The following RPTOR variants were observed in gnomAD, a reference collection of about 807,000 sequenced individuals.
RPTOR encodes regulatory associated protein of MTOR complex 1.
Under a neutral mutation model 169.9 loss-of-function variants are expected in RPTOR, and 21 were observed. The ratio of observed to expected loss-of-function variants is 0.12; its 90% confidence interval spans 0.09 to 0.18. RPTOR has a LOEUF of 0.18. Ranked by LOEUF, RPTOR falls within the 10% of genes least tolerant of loss-of-function variation. RPTOR has a pLI of 1.00. For missense variants in RPTOR, 1,133 were observed against 1,855.9 expected (o/e 0.61, Z 7.16); for synonymous variants, 732 against 753.2 (o/e 0.97, Z 0.46).
At position 80,562,740 on chromosome 17, in the gene RPTOR, C is replaced by T. The variant is rs940561813; in HGVS notation, c.162+16949C>T. ...CAGAGGTTGCAGTGAGCTGAGACTG[C>T]GCCACTGCACCCCATCCTGGCAACA... On this transcript the variant is annotated intron_variant, in intron 1 of 33. Coordinates refer to ENST00000306801, the MANE Select transcript of RPTOR (RefSeq NM_020761.3). The surrounding 1 kb of genome is among the most constrained non-coding windows in gnomAD (Gnocchi z 4.4). Among the ~76,000 whole-genome samples the T allele has an allele frequency of 1.7e-4, 10 of 58,430 alleles. No homozygotes were observed. Among genetic ancestry groups the T allele is most frequent in the Admixed American group, 8.5e-4 (4 of 4,700 alleles). The allele number at this position is 58,430 out of a possible 152,430, so 38.3% of individuals were successfully genotyped here. A position where few individuals can be genotyped will look rare whatever the true frequency, so the allele number is the denominator to read the frequency against.
intron 32 of RPTOR, 62 bp from the exon 33 acceptor site, chr17:80,962,866 G>A: frequency 1.9e-6 from 3 of 1,606,440 alleles, no homozygotes; most frequent in Non-Finnish European, 2.6e-6. Flanking sequence ...CTCGGCATCT[G>A]CGCCCATCTT....
At chr17:80,581,612 C>T (rs1310686966) in intron 1 of RPTOR, among the ~76,000 whole-genome samples, 2 of 151,370 alleles carry the variant, frequency 1.3e-5, no homozygotes, top group African/African-American at 2.4e-5. Flanking sequence ...CTGCTATTCT[C>T]TGCAGTGGAG....
intron 10 of RPTOR, among the ~76,000 whole-genome samples, chr17:80,843,377 T>C (rs1411240122): frequency 6.6e-6 from 1 of 152,100 alleles, no homozygotes; most frequent in East Asian, 1.9e-4. Flanking sequence ...GCCAAGATCA[T>C]GCCACTGCAC....
intron 14 of RPTOR, 28 bp downstream of exon 14, chr17:80,880,517 G>A (rs750217250): frequency 1.8e-5 from 29 of 1,607,806 alleles, no homozygotes; most frequent in Non-Finnish European, 2.2e-5. Context: ...CGCTCTCCAC[G>A]GGCTTGGGAC....
At chr17:80,672,819 A>G (rs571893558) in intron 3 of RPTOR, among the ~76,000 whole-genome samples, 1 of 152,004 alleles carries the variant, frequency 6.6e-6, no homozygotes, top group Non-Finnish European at 1.5e-5. Context: ...TTCTCAACAT[A>G]AGGTCTAACA....
At chr17:80,709,685 C>G (rs1474406016) in intron 4 of RPTOR, among the ~76,000 whole-genome samples, 1 of 152,118 alleles carries the variant, frequency 6.6e-6, no homozygotes, top group Non-Finnish European at 1.5e-5. Context: ...GCCCACCTTT[C>G]TCTCCAGCAC....
intron 7 of RPTOR, chr17:80,801,948 C>T (rs1249871480): frequency 2.0e-5 from 3 of 152,312 alleles, no homozygotes; most frequent in South Asian, 2.1e-4. Context: ...TCCTTATGCC[C>T]GGGCGCCTCT....
At chr17:80,710,863 G>A (rs34484282) in intron 4 of RPTOR, among the ~76,000 whole-genome samples, 26,715 of 152,072 alleles carry the variant, frequency 0.18, 3,758 homozygotes, top group African/African-American at 0.39. Context: ...AATAACTGTG[G>A]CCTTAGAAAA....
At chr17:80,734,021 C>T (rs1169532871) in intron 5 of RPTOR, among the ~76,000 whole-genome samples, 1 of 152,234 alleles carries the variant, frequency 6.6e-6, no homozygotes, top group African/African-American at 2.4e-5. Flanking sequence ...CCACGATTAA[C>T]ACCTCTGTGC....
In RPTOR at chr17:80,754,311, G is replaced by T; in HGVS notation, c.830+126G>T. 2.1e-6 allele frequency: 2 copies of T among 940,568 alleles called. No individual in the cohort carries two copies. Among genetic ancestry groups the T allele is most frequent in the Non-Finnish European group, 3.2e-6 (2 of 632,266 alleles). The allele number at this position is 940,568 out of a possible 1,614,324, so 58.3% of individuals were successfully genotyped here. ...CCACGTGACAGACATGAGTGTCCCC[G>T]CCTTCTTTTTGTGTCATTCGGGATT... On this transcript the variant is annotated intron_variant, in intron 6 of 33. Transcript: ENST00000306801. This position sits in a 1 kb window ranked among gnomAD's most constrained non-coding sequence, Gnocchi z 4.2.
chr17:80,592,727 T>C (rs1490924738), intron 1 of RPTOR, among the ~76,000 whole-genome samples: 1 of 152,086 alleles, frequency 6.6e-6, no homozygotes, highest in African/African-American at 2.4e-5. Flanking sequence ...ATACAGAAAA[T>C]TTGGTGCAGT....
rs540183898 is a variant in RPTOR, at chr17:80,704,487, G to A, written c.349-3354G>A. 3.3e-5 allele frequency among the ~76,000 whole-genome samples: 5 copies of A among 152,316 alleles called. No homozygotes were observed. In the South Asian group the frequency reaches 1.0e-3, roughly 32 times the overall value. On this transcript the variant is annotated intron_variant, in intron 3 of 33. Transcript: ENST00000306801. ...CTTAGTATGCAGAGAATCTCAGATA[G>A]CAAAGCAGAAAGGATGATGTCACAG...
At chr17:80,930,511 T>TCCTCAGCTCAGCTCATCCTCAC (rs1218092500) in intron 24 of RPTOR, among the ~76,000 whole-genome samples, 9 of 66,644 alleles carry the variant, frequency 1.4e-4, no homozygotes, top group South Asian at 4.9e-4. Context: ...CCTCAGCTCA[T>TCCTCAGCTCAGCTCATCCTCAC]CTTCAGCTTA....
chr17:80,950,355 G>C (rs561015574), intron 28 of RPTOR, among the ~76,000 whole-genome samples: 3 of 152,324 alleles, frequency 2.0e-5, no homozygotes, highest in Admixed American at 2.0e-4. Flanking sequence ...TCAGCCTTCC[G>C]TGTGGGGCCT....
intron 5 of RPTOR, among the ~76,000 whole-genome samples, chr17:80,736,941 G>A (rs1022985364): frequency 6.6e-6 from 1 of 152,202 alleles, no homozygotes; most frequent in African/African-American, 2.4e-5. Flanking sequence ...TCTCTTTCAA[G>A]CAATGATTTT....
intron 28 of RPTOR, among the ~76,000 whole-genome samples, chr17:80,956,157 A>C (rs959760912): frequency 1.3e-5 from 2 of 152,200 alleles, no homozygotes; most frequent in Admixed American, 1.3e-4. Context: ...CCCAAGGGAC[A>C]GCCCTCCCAG....
Position 80,810,564 on chromosome 17 carries a change from T to TTTTTG in RPTOR, c.891-11610_891-11606dup, listed in dbSNP as rs56792591. Among the ~76,000 whole-genome samples, 485 of 151,814 alleles carry TTTTTG rather than the reference T, an allele frequency of 3.2e-3. 1 individual carries two copies. Among genetic ancestry groups the TTTTTG allele is most frequent in the Middle Eastern group, 0.021 (6 of 292 alleles). ...ACGGTAGCTTTATTGTAAGTCTCTG[T>TTTTTG]TTTTGTTTTGTTTTGTTTTGTTTTG... On this transcript the variant is annotated intron_variant, in intron 7 of 33. Transcript: ENST00000306801.
intron 17 of RPTOR, among the ~76,000 whole-genome samples, chr17:80,886,859 C>T (rs910469826): frequency 3.3e-5 from 5 of 152,192 alleles, no homozygotes; most frequent in Non-Finnish European, 5.9e-5. Context: ...GGGATGACAG[C>T]CCCTGCCCTC....
chr17:80,858,398 CG>C (rs1251162701), intron 13 of RPTOR, among the ~76,000 whole-genome samples: 55 of 152,372 alleles, frequency 3.6e-4, no homozygotes, highest in African/African-American at 1.3e-3. Context: ...CCCCCTTACA[CG>C]GGGCTGTCCA....
Sources: allele counts gnomAD v4.1 joint callset (sites outside exome capture counted in the v4.1 genomes callset), GRCh38; gene constraint gnomAD v4.1.1; non-coding constraint Gnocchi (gnomAD v3.1); transcripts MANE v1.5; gene names NCBI Gene and HGNC (gene_info 2026-07-23, HGNC 2026-07-21).